The following RBFOX1 variants were observed in gnomAD, a reference collection of about 807,000 sequenced individuals.
RBFOX1 encodes the protein RNA binding fox-1 homolog 1.
RBFOX1 carries 8 observed loss-of-function variants against 57.7 expected under a neutral mutation model. That is an observed-to-expected ratio of 0.14 (90% confidence interval 0.08 to 0.25). The LOEUF is 0.25. Among genes scored for constraint, RBFOX1 ranks in the 10% least tolerant of loss-of-function variants. The pLI, the probability that RBFOX1 is intolerant of heterozygous loss-of-function variation, is 1.00. For synonymous variants in RBFOX1, 326 were observed against 222.4 expected, an observed-to-expected ratio of 1.47 and a Z score of -4.15; for missense variants, 611 against 548.5, an observed-to-expected ratio of 1.11 and a Z score of -1.14.
chr16:5,653,132 G>A lies in RBFOX1; in HGVS notation c.318+54171G>A, dbSNP rs544128064. On this transcript the variant is annotated intron_variant, in intron 3 of 19. Transcript: ENST00000641259. ...TGTGTGGAAGGTGGGGTGCTGAGCC[G>A]TGTGCTGGCCTTCTGTGCGGAAGGT... Among the ~76,000 whole-genome samples the A allele has an allele frequency of 7.7e-3, 1,173 of 151,684 alleles. 3 individuals are homozygous for A. Among genetic ancestry groups the A allele is most frequent in the African/African-American group, 0.026 (1,090 of 41,134 alleles).
Position 6,027,466 on chromosome 16 carries a change from A to T in RBFOX1, c.-127+7474A>T, listed in dbSNP as rs78148497. Among the ~76,000 whole-genome samples, 25 of 152,294 alleles carry T rather than the reference A, an allele frequency of 1.6e-4. 1 individual carries two copies. The East Asian group carries it at 4.5e-3, about 27-fold the overall frequency. On this transcript the variant is annotated intron_variant, in intron 1 of 15. Coordinates refer to ENST00000550418, the MANE Select transcript of RBFOX1 (RefSeq NM_018723.4). ...CCAGAATCAGTGTGTCTGGCTTGAG[A>T]TCCCAGCTCCATCACTTTCTAAGTC...
At chr16:6,635,767 A>G (rs567776449) in intron 2 of RBFOX1, among the ~76,000 whole-genome samples, 24 of 152,244 alleles carry the variant, frequency 1.6e-4, no homozygotes, top group Middle Eastern at 3.4e-3. Flanking sequence ...CCCAACATAA[A>G]CTATTTTGAT....
At chr16:5,901,034 C>T (rs756322291) in intron 4 of RBFOX1, among the ~76,000 whole-genome samples, 14 of 152,188 alleles carry the variant, frequency 9.2e-5, no homozygotes, top group Non-Finnish European at 1.5e-4. Flanking sequence ...TGCAGAGATA[C>T]CTGCCTCCTC....
chr16:7,625,021 G>T (rs1049659200), intron 10 of RBFOX1, among the ~76,000 whole-genome samples: 26 of 152,178 alleles, frequency 1.7e-4, no homozygotes, highest in African/African-American at 6.0e-4. Context: ...CCTTGTGTGT[G>T]GCAGATAAGT....
At chr16:7,104,890 A>G (rs2063306858) in intron 4 of RBFOX1, among the ~76,000 whole-genome samples, 1 of 152,116 alleles carries the variant, frequency 6.6e-6, no homozygotes, top group Admixed American at 6.6e-5. Context: ...GATGGATCTC[A>G]GGTACAGCCC....
chr16:7,330,062 T>C (rs1470279123), intron 4 of RBFOX1, among the ~76,000 whole-genome samples: 3 of 152,158 alleles, frequency 2.0e-5, no homozygotes, highest in African/African-American at 7.2e-5. Context: ...CATTATAATA[T>C]AATCTGATGT....
At chr16:5,492,858 C>G (rs1329897888) in intron 2 of RBFOX1, among the ~76,000 whole-genome samples, 11 of 152,230 alleles carry the variant, frequency 7.2e-5, no homozygotes, top group Non-Finnish European at 1.6e-4. Context: ...TTCTTACCTT[C>G]TAAGAGTGAC....
chr16:7,692,866 C>A (rs1473745007), intron 14 of RBFOX1, among the ~76,000 whole-genome samples: 1 of 148,012 alleles, frequency 6.8e-6, no homozygotes, highest in Non-Finnish European at 1.5e-5. Context: ...AAATTGTCTT[C>A]TGAAATGACA....
intron 3 of RBFOX1, among the ~76,000 whole-genome samples, chr16:6,969,636 C>T (rs13331573): frequency 0.012 from 1,789 of 152,062 alleles, 46 homozygotes; most frequent in African/African-American, 0.04. Flanking sequence ...CTCAGCTACT[C>T]GGGAGGCTGA....
intron 3 of RBFOX1, among the ~76,000 whole-genome samples, chr16:5,671,202 A>C (rs1235364041): frequency 6.6e-6 from 1 of 152,370 alleles, no homozygotes; most frequent in East Asian, 1.9e-4. Context: ...GTTTTCTTTG[A>C]AAGTTTCAAT....
At chr16:7,034,031 C>G (rs556157921) in intron 3 of RBFOX1, among the ~76,000 whole-genome samples, 19 of 152,278 alleles carry the variant, frequency 1.2e-4, no homozygotes, top group Non-Finnish European at 2.4e-4. Context: ...TTGGATTTCT[C>G]TCCATTGCGG....
Position 6,755,901 on chromosome 16 carries a change from G to A in RBFOX1, c.-16+101251G>A, listed in dbSNP as rs146754829. ...GAATGTATTGCTGAAAACTGCAGCA[G>A]ATGCACTTTTTCCATGTAGAAACAT... On this transcript the variant is annotated intron_variant, in intron 3 of 15. Coordinates refer to ENST00000550418, the MANE Select transcript of RBFOX1 (RefSeq NM_018723.4). Among the ~76,000 whole-genome samples the A allele has an allele frequency of 6.6e-5, 10 of 152,242 alleles. No homozygotes were observed. In the East Asian group the frequency reaches 1.9e-3, roughly 29 times the overall value.
chr16:7,283,796 A>G (rs544677611), intron 4 of RBFOX1, among the ~76,000 whole-genome samples: 2 of 152,348 alleles, frequency 1.3e-5, no homozygotes, highest in African/African-American at 4.8e-5. Flanking sequence ...TTACTGAGGC[A>G]TAATTTACAC....
intron 1 of RBFOX1, among the ~76,000 whole-genome samples, chr16:5,401,986 A>G (rs1268178948): frequency 6.6e-6 from 1 of 152,154 alleles, no homozygotes. Context: ...ACACAATGAA[A>G]CTGGATAATT....
intron 4 of RBFOX1, among the ~76,000 whole-genome samples, chr16:7,277,389 A>G (rs1939465823): frequency 6.6e-6 from 1 of 152,182 alleles, no homozygotes; most frequent in South Asian, 2.1e-4. Context: ...GCCTACCTCC[A>G]TCTCCCACCC....
rs140831699 is a variant in RBFOX1 at position 5,402,352 on chromosome 16, C to T, written c.220-64864C>T. Among the ~76,000 whole-genome samples, 511 of 152,254 alleles carry T rather than the reference C, an allele frequency of 3.4e-3. 7 individuals carry two copies. Among genetic ancestry groups the T allele is most frequent in the South Asian group, 6.8e-3 (33 of 4,824 alleles). On this transcript the variant is annotated intron_variant, in intron 1 of 2. Transcript: ENST00000585867. The stretch of plus-strand genomic sequence containing the variant: ...AGACATAGTGCTGGGGGTCCATGCA[C>T]GCATGCACATAGGCCAGCCTTGTGG...
At chr16:6,460,405 GA>G (rs1241193302) in intron 2 of RBFOX1, among the ~76,000 whole-genome samples, 5 of 149,988 alleles carry the variant, frequency 3.3e-5, no homozygotes, top group South Asian at 4.2e-4. Context: ...AAATTTACAA[GA>G]AAAAAAACAC....
intron 2 of RBFOX1, among the ~76,000 whole-genome samples, chr16:6,565,473 G>C (rs1000698925): frequency 2.7e-5 from 4 of 150,866 alleles, no homozygotes; most frequent in African/African-American, 9.8e-5. Context: ...TAGCCAGGAT[G>C]GTCTCGATCT....
intron 5 of RBFOX1, among the ~76,000 whole-genome samples, chr16:7,532,498 A>T (rs2080364057): frequency 6.6e-6 from 1 of 152,170 alleles, no homozygotes; most frequent in African/African-American, 2.4e-5. Flanking sequence ...AGGAAAAGGG[A>T]GGACGTGAGT....
Sources: gnomAD v4.1 joint callset for allele counts (sites outside exome capture counted in the v4.1 genomes callset) on GRCh38, gnomAD v4.1.1 for gene constraint, MANE v1.5 for transcripts, NCBI Gene and HGNC (gene_info 2026-07-23, HGNC 2026-07-21) for gene names.